Variants in CLDN10 observed in about 807,000 individuals in gnomAD.
CLDN10 encodes claudin-10.
In CLDN10, 15 loss-of-function variants were observed where a neutral mutation model predicts 22.9. The observed-to-expected ratio is 0.65, with a 90% confidence interval of 0.44 to 1.01. The LOEUF (loss-of-function observed/expected upper bound fraction) is 1.01, where lower values mean the gene tolerates loss of function less well. Among genes scored for constraint, CLDN10 ranks in the 50% least tolerant of loss-of-function variants. The pLI is 0.00. For missense variants in CLDN10, 247 were observed against 287.8 expected, an observed-to-expected ratio of 0.86 and a Z score of 1.03; for synonymous variants, 114 against 111.4, an observed-to-expected ratio of 1.02 and a Z score of -0.15.
At chr13:95,471,453 ATT>A (rs1555289822) in intron 1 of CLDN10, among the ~76,000 whole-genome samples, 37 of 106,376 alleles carry the variant, frequency 3.5e-4, no homozygotes, top group African/African-American at 7.6e-4. Flanking sequence ...ATATATATAT[ATT>A]TTTTTTTTTT....
chr13:95,487,572 A>G (rs2042817552), intron 1 of CLDN10, among the ~76,000 whole-genome samples: 2 of 152,250 alleles, frequency 1.3e-5, no homozygotes, highest in Non-Finnish European at 2.9e-5. Context: ...AATTTGAAAC[A>G]TATACAAAAA....
intron 1 of CLDN10, among the ~76,000 whole-genome samples, chr13:95,523,844 TA>T (rs1182462448): frequency 6.6e-6 from 1 of 152,196 alleles, no homozygotes; most frequent in Non-Finnish European, 1.5e-5. Context: ...TTGTGCATTG[TA>T]GGACATTAAG....
intron 1 of CLDN10, among the ~76,000 whole-genome samples, chr13:95,461,122 A>C (rs2042532940): frequency 6.6e-6 from 1 of 151,896 alleles, no homozygotes; most frequent in South Asian, 2.1e-4. Context: ...AAAAGAAGAA[A>C]AAATTATTTT....
intron 1 of CLDN10, among the ~76,000 whole-genome samples, chr13:95,529,786 T>C (rs182189935): frequency 6.6e-5 from 10 of 152,330 alleles, no homozygotes; most frequent in Non-Finnish European, 1.2e-4. Flanking sequence ...CGCTTTTTTT[T>C]CCCAAATAAT....
chr13:95,556,268 A>G (rs2043638443), intron 1 of CLDN10, among the ~76,000 whole-genome samples: 1 of 150,130 alleles, frequency 6.7e-6, no homozygotes. Context: ...CTGGTCTTGA[A>G]CTCCTGACCT....
chr13:95,509,119 A>G (rs1311237854), intron 1 of CLDN10, among the ~76,000 whole-genome samples: 1 of 152,184 alleles, frequency 6.6e-6, no homozygotes, highest in Non-Finnish European at 1.5e-5. Flanking sequence ...TAAGGCAGTA[A>G]CAGAAGCAGT....
intron 1 of CLDN10, among the ~76,000 whole-genome samples, chr13:95,470,542 A>T (rs904248710): frequency 1.1e-4 from 16 of 152,138 alleles, no homozygotes; most frequent in African/African-American, 3.6e-4. Flanking sequence ...TCTAAGTCAA[A>T]GTTCAGTCTC....
At chr13:95,445,302 C>A (rs1208254091) in intron 1 of CLDN10, among the ~76,000 whole-genome samples, 1 of 152,116 alleles carries the variant, frequency 6.6e-6, no homozygotes, top group Non-Finnish European at 1.5e-5. Flanking sequence ...CTGCAGACGT[C>A]GATAACAAAA....
At chr13:95,507,372 C>A (rs1445179216) in intron 1 of CLDN10, among the ~76,000 whole-genome samples, 1 of 152,162 alleles carries the variant, frequency 6.6e-6, no homozygotes, top group Non-Finnish European at 1.5e-5. Context: ...CCACATCACC[C>A]ACTAAGAAGG....
At chr13:95,524,501 G>T (rs9516597) in intron 1 of CLDN10, among the ~76,000 whole-genome samples, 67,721 of 151,816 alleles carry the variant, frequency 0.45, 16,124 homozygotes, top group East Asian at 0.58. Context: ...TTCCCTTTTC[G>T]GTTAAATGAT....
At chr13:95,521,966 A>G (rs766310634) in intron 1 of CLDN10, among the ~76,000 whole-genome samples, 13 of 149,342 alleles carry the variant, frequency 8.7e-5, no homozygotes, top group Non-Finnish European at 7.4e-5. Context: ...TAATTCATGA[A>G]TCTTGTTTCT....
chr13:95,433,891 G>T (rs1240736312), exon 1 of CLDN10: 1 of 1,614,174 alleles, frequency 6.2e-7, no homozygotes, highest in African/African-American at 1.3e-5. Flanking sequence ...TGGAGCTCTC[G>T]TTGCTGCTAC....
intron 1 of CLDN10, among the ~76,000 whole-genome samples, chr13:95,441,824 C>T (rs904997788): frequency 6.6e-6 from 1 of 152,182 alleles, no homozygotes; most frequent in African/African-American, 2.4e-5. Flanking sequence ...TCCCTCTGAG[C>T]TTCAGTGTTC....
intron 1 of CLDN10, among the ~76,000 whole-genome samples, chr13:95,461,473 T>C (rs1051925381): frequency 1.3e-5 from 2 of 152,204 alleles, no homozygotes; most frequent in Non-Finnish European, 2.9e-5. Context: ...CCTCAAGTTA[T>C]TTGACTTTTT....
chr13:95,543,794 T>C (rs1337765592), intron 1 of CLDN10, among the ~76,000 whole-genome samples: 1 of 152,056 alleles, frequency 6.6e-6, no homozygotes, highest in Non-Finnish European at 1.5e-5. Context: ...TGTAGAAAAA[T>C]TGTATAGTGA....
intron 1 of CLDN10, among the ~76,000 whole-genome samples, chr13:95,475,850 C>G (rs1414029717): frequency 6.6e-6 from 1 of 151,876 alleles, no homozygotes; most frequent in African/African-American, 2.4e-5. Context: ...CTCTCTCTCT[C>G]TCCCTCACCC....
intron 1 of CLDN10, among the ~76,000 whole-genome samples, chr13:95,525,750 C>T (rs2043273903): frequency 6.6e-6 from 1 of 152,108 alleles, no homozygotes; most frequent in Non-Finnish European, 1.5e-5. Context: ...CCTCAGCCTC[C>T]CAGAGTGCTG....
At chr13:95,449,452 T>C (rs2042412099) in intron 1 of CLDN10, among the ~76,000 whole-genome samples, 1 of 152,092 alleles carries the variant, frequency 6.6e-6, no homozygotes, top group Non-Finnish European at 1.5e-5. Flanking sequence ...GGTTTCACCA[T>C]GTTGGCCAGA....
chr13:95,490,329 A>G (rs1279049776), intron 1 of CLDN10, among the ~76,000 whole-genome samples: 2 of 152,188 alleles, frequency 1.3e-5, no homozygotes, highest in Non-Finnish European at 2.9e-5. Context: ...TTTTCACAAT[A>G]TTAATTCTAC....
Sources: allele counts gnomAD v4.1 joint callset (sites outside exome capture counted in the v4.1 genomes callset), GRCh38; gene constraint gnomAD v4.1.1; transcripts MANE v1.5; gene names NCBI Gene and HGNC (gene_info 2026-07-23, HGNC 2026-07-21).